The following CNTNAP4 variants were observed in gnomAD, a reference collection of about 807,000 sequenced individuals.
The protein encoded by CNTNAP4 is contactin associated protein family member 4, also known as contactin-associated protein-like 4.
In CNTNAP4, 98 loss-of-function variants were observed where a neutral mutation model predicts 148.4. The observed-to-expected ratio is 0.66, with a 90% confidence interval of 0.56 to 0.78. The LOEUF (loss-of-function observed/expected upper bound fraction) is 0.78. Among genes scored for constraint, CNTNAP4 ranks in the 30% least tolerant of loss-of-function variants. CNTNAP4 has a pLI of 0.00. For synonymous variants in CNTNAP4, 730 were observed against 565.1 expected (o/e 1.29, Z -4.14); for missense variants, 1,935 against 1,565.6 (o/e 1.24, Z -3.98).
intron 21 of CNTNAP4, 70 bp downstream of exon 21, chr16:76,540,860 A>C: frequency 9.6e-7 from 1 of 1,038,228 alleles, no homozygotes; most frequent in Non-Finnish European, 1.4e-6. Flanking sequence ...CAGAAAAGTC[A>C]TATTACACAC....
chr16:76,422,820 A>C (rs998065984), intron 3 of CNTNAP4, among the ~76,000 whole-genome samples: 1 of 152,200 alleles, frequency 6.6e-6, no homozygotes, highest in Non-Finnish European at 1.5e-5. Flanking sequence ...CTGAGCCCCT[A>C]ACTTTCATGT....
intron 2 of CNTNAP4, among the ~76,000 whole-genome samples, chr16:76,325,451 G>C (rs1440797103): frequency 1.3e-5 from 2 of 152,056 alleles, no homozygotes; most frequent in African/African-American, 4.8e-5. Context: ...AAATCATACA[G>C]AGTAAGTGCC....
intron 1 of CNTNAP4, among the ~76,000 whole-genome samples, chr16:76,290,067 CAGTGGGCTCTGTGGACTCCAAGGTGGTGA>C (rs1959052039): frequency 6.6e-6 from 1 of 152,132 alleles, no homozygotes; most frequent in Non-Finnish European, 1.5e-5. Flanking sequence ...ATTCCTTTTG[CAGTGGGCTCTGTGGACTCCAAGGTGGTGA>C]AGTGTGCCCT....
chr16:76,399,309 A>T (rs2078321463), intron 3 of CNTNAP4, among the ~76,000 whole-genome samples: 2 of 152,214 alleles, frequency 1.3e-5, no homozygotes, highest in South Asian at 4.1e-4. Context: ...AAAATTAAGT[A>T]CCTCTGATAG....
At chr16:76,457,042 C>G (rs926071291) in intron 8 of CNTNAP4, among the ~76,000 whole-genome samples, 6 of 152,106 alleles carry the variant, frequency 3.9e-5, no homozygotes, top group African/African-American at 1.4e-4. Context: ...CATGTTCCTC[C>G]CCAGACTTAA....
chr16:76,556,872 T>C (rs1400957156), intron 23 of CNTNAP4, among the ~76,000 whole-genome samples: 1 of 152,184 alleles, frequency 6.6e-6, no homozygotes, highest in Non-Finnish European at 1.5e-5. Flanking sequence ...TAGCCAAAAA[T>C]TGGCTTGGCT....
Position 76,493,862 on chromosome 16 carries a change from G to C in CNTNAP4, c.2081-1048G>C, listed in dbSNP as rs539701450. Among the ~76,000 whole-genome samples the C allele has an allele frequency of 1.8e-4, 27 of 152,264 alleles. No homozygotes were observed. In the East Asian group the frequency reaches 4.6e-3, roughly 26 times the overall value. On this transcript the variant is annotated intron_variant, in intron 13 of 23. Transcript: ENST00000611870. Reference sequence around the variant, plus strand: ...CCTGGGAGAGAGCTTGTCAGCATTAGCATGGGGCTATCTAATAGTAAGTTA... The same window carrying C: ...CCTGGGAGAGAGCTTGTCAGCATTACCATGGGGCTATCTAATAGTAAGTTA...
chr16:76,547,247 A>C (rs2084776779), intron 21 of CNTNAP4, among the ~76,000 whole-genome samples: 1 of 152,324 alleles, frequency 6.6e-6, no homozygotes, highest in African/African-American at 2.4e-5. Context: ...TTAAGCTATT[A>C]CTGGATCACA....
chr16:76,555,187 A>AAGTAGTT (rs2085142592), intron 23 of CNTNAP4, among the ~76,000 whole-genome samples: 1 of 152,090 alleles, frequency 6.6e-6, no homozygotes. Context: ...TATTGCTTTC[A>AAGTAGTT]AGTAGTTAGG....
intron 3 of CNTNAP4, among the ~76,000 whole-genome samples, chr16:76,382,798 G>C (rs1246165633): frequency 6.6e-6 from 1 of 152,114 alleles, no homozygotes; most frequent in Non-Finnish European, 1.5e-5. Flanking sequence ...TGCAGTAAAA[G>C]ACTGGATCCA....
intron 1 of CNTNAP4, among the ~76,000 whole-genome samples, chr16:76,314,225 G>A (rs1961456838): frequency 6.6e-6 from 1 of 152,158 alleles, no homozygotes; most frequent in Non-Finnish European, 1.5e-5. Flanking sequence ...ATAAGCCTTT[G>A]ACTATGCCAC....
chr16:76,348,173 G>T (rs1471424383), intron 2 of CNTNAP4, among the ~76,000 whole-genome samples: 1 of 151,784 alleles, frequency 6.6e-6, no homozygotes, highest in Non-Finnish European at 1.5e-5. Flanking sequence ...AGAAAGAAAG[G>T]GGTCAAGCGT....
At chr16:76,417,656 AT>A (rs2144967152) in intron 3 of CNTNAP4, among the ~76,000 whole-genome samples, 1 of 151,792 alleles carries the variant, frequency 6.6e-6, no homozygotes, top group South Asian at 2.1e-4. Flanking sequence ...AATAAGAAAA[AT>A]AAATGATCTT....
intron 2 of CNTNAP4, among the ~76,000 whole-genome samples, chr16:76,317,729 G>A (rs1961951895): frequency 6.6e-6 from 1 of 151,388 alleles, no homozygotes; most frequent in Admixed American, 6.6e-5. Context: ...GTGTGTGTAT[G>A]TGTGTGTGTA....
chr16:76,529,374 A>C (rs2083875514), intron 17 of CNTNAP4, among the ~76,000 whole-genome samples: 1 of 152,180 alleles, frequency 6.6e-6, no homozygotes, highest in South Asian at 2.1e-4. Context: ...TTGACTTGCT[A>C]ACACTGAGGA....
At chr16:76,318,901 C>T (rs1962113746) in intron 2 of CNTNAP4, among the ~76,000 whole-genome samples, 1 of 151,608 alleles carries the variant, frequency 6.6e-6, no homozygotes, top group African/African-American at 2.4e-5. Context: ...TAAATTAAAC[C>T]AGCAAATAAA....
intron 10 of CNTNAP4, among the ~76,000 whole-genome samples, chr16:76,472,225 A>G (rs1314749504): frequency 7.2e-6 from 1 of 138,926 alleles, no homozygotes; most frequent in Non-Finnish European, 1.6e-5. Flanking sequence ...AATGAGTACT[A>G]TAGAACCTAA....
intron 2 of CNTNAP4, among the ~76,000 whole-genome samples, chr16:76,332,677 C>G (rs549040277): frequency 5.3e-5 from 8 of 152,142 alleles, no homozygotes; most frequent in African/African-American, 1.9e-4. Flanking sequence ...CATTGATAAA[C>G]TTGATGGTTT....
At chr16:76,533,751 C>T (rs779277102) in intron 17 of CNTNAP4, among the ~76,000 whole-genome samples, 1 of 151,946 alleles carries the variant, frequency 6.6e-6, no homozygotes, top group South Asian at 2.1e-4. Context: ...TTCCAAAACT[C>T]TGTGATGAAA....
Sources: allele counts gnomAD v4.1 joint callset (sites outside exome capture counted in the v4.1 genomes callset), GRCh38; gene constraint gnomAD v4.1.1; transcripts MANE v1.5; gene names NCBI Gene and HGNC (gene_info 2026-07-23, HGNC 2026-07-21).